Variants in NHSL1 observed in about 807,000 individuals in gnomAD.
NHSL1 encodes the protein NHS-like protein 1.
In NHSL1, 48 loss-of-function variants were observed where a neutral mutation model predicts 95.0. That is an observed-to-expected ratio of 0.51 (90% CI 0.40 to 0.64). The LOEUF (loss-of-function observed/expected upper bound fraction) is 0.64, where lower values mean the gene tolerates loss of function less well. Among genes scored for constraint, NHSL1 ranks in the 30% least tolerant of loss-of-function variants. The pLI is 0.00. For missense variants in NHSL1, 1,971 were observed against 2,077.7 expected (o/e 0.95, Z 1.00); for synonymous variants, 783 against 833.9 (o/e 0.94, Z 1.05).
intron 3 of NHSL1, among the ~76,000 whole-genome samples, chr6:138,448,733 A>G (rs1389717474): frequency 6.6e-6 from 1 of 152,212 alleles, no homozygotes; most frequent in African/African-American, 2.4e-5. Context: ...GAGGACACAG[A>G]TGAGAAATAT....
intron 1 of NHSL1, among the ~76,000 whole-genome samples, chr6:138,554,815 C>T (rs1439831435): frequency 6.6e-6 from 1 of 152,150 alleles, no homozygotes; most frequent in Non-Finnish European, 1.5e-5. Flanking sequence ...CAACTTTTGT[C>T]CCCCTTTAAC....
chr6:138,492,138 G>C (rs909724679), intron 2 of NHSL1, among the ~76,000 whole-genome samples: 6 of 152,198 alleles, frequency 3.9e-5, no homozygotes, highest in African/African-American at 1.4e-4. Flanking sequence ...GATCAGAGTA[G>C]AGCGAAATTA....
chr6:138,657,941 G>GA (rs1416432720), intron 1 of NHSL1, among the ~76,000 whole-genome samples: 1 of 147,408 alleles, frequency 6.8e-6, no homozygotes, highest in Non-Finnish European at 1.5e-5. Context: ...AATATTAAAA[G>GA]AAAAAACTGA....
At chr6:138,657,814 CAAAAA>C (rs1051789759) in intron 1 of NHSL1, among the ~76,000 whole-genome samples, 1 of 33,032 alleles carries the variant, frequency 3.0e-5, no homozygotes, top group African/African-American at 1.1e-4. Flanking sequence ...GACTCCATCT[CAAAAA>C]AAAAAAAAAA....
intron 1 of NHSL1, among the ~76,000 whole-genome samples, chr6:138,510,949 T>C (rs573348860): frequency 6.6e-6 from 1 of 152,278 alleles, no homozygotes; most frequent in Non-Finnish European, 1.5e-5. Context: ...CTTCTGGGTA[T>C]TCCCTGTTAT....
intron 1 of NHSL1, among the ~76,000 whole-genome samples, chr6:138,602,384 C>T (rs1243868788): frequency 2.0e-5 from 3 of 152,184 alleles, no homozygotes; most frequent in Non-Finnish European, 4.4e-5. Flanking sequence ...ACTCTGTCTT[C>T]AGGCTGGAGT....
chr6:138,429,394 T>C (rs1255775115), intron 7 of NHSL1, among the ~76,000 whole-genome samples: 1 of 152,220 alleles, frequency 6.6e-6, no homozygotes, highest in East Asian at 1.9e-4. Flanking sequence ...TGTCAGTCAC[T>C]TTAATCCGAC....
intron 3 of NHSL1, among the ~76,000 whole-genome samples, chr6:138,456,849 G>C (rs1006330369): frequency 6.6e-6 from 1 of 151,452 alleles, no homozygotes; most frequent in Non-Finnish European, 1.5e-5. Flanking sequence ...TTTCAGAGTT[G>C]AATGAAAAGG....
At chr6:138,449,573 A>G (rs1339782901) in intron 3 of NHSL1, among the ~76,000 whole-genome samples, 3 of 151,724 alleles carry the variant, frequency 2.0e-5, no homozygotes. Context: ...GCTACTCGGG[A>G]GGTTAAGGCA....
rs77951569 is a variant in NHSL1, at chr6:138,453,919, A to T, written c.340-6726T>A. On this transcript the variant is annotated intron_variant, in intron 3 of 7. Transcript: ENST00000343505. ...GATCTTAACTATCCCATATTAAGCGATCCTTTCCTCAAATGAAAGAAAATA... is the reference window on the plus strand; with the variant it reads ...GATCTTAACTATCCCATATTAAGCGTTCCTTTCCTCAAATGAAAGAAAATA... Among the ~76,000 whole-genome samples, 1,428 of 152,354 alleles carry T rather than the reference A, an allele frequency of 9.4e-3. 15 individuals are homozygous for T. The highest frequency in any genetic ancestry group is 0.024 in the Admixed American group (363 of 15,308).
intron 1 of NHSL1, among the ~76,000 whole-genome samples, chr6:138,669,226 T>G (rs1785333189): frequency 6.6e-6 from 1 of 152,074 alleles, no homozygotes. Context: ...ATGTCAAATC[T>G]AGACCCCTCT....
At chr6:138,561,796 C>A (rs900451654) in intron 1 of NHSL1, among the ~76,000 whole-genome samples, 1 of 152,148 alleles carries the variant, frequency 6.6e-6, no homozygotes, top group African/African-American at 2.4e-5. Context: ...AAATCCTCCC[C>A]CTACAACCAC....
chr6:138,475,103 C>T (rs1032052084), intron 2 of NHSL1, among the ~76,000 whole-genome samples: 9 of 150,378 alleles, frequency 6.0e-5, no homozygotes, highest in East Asian at 5.8e-4. Flanking sequence ...GAGCCGAGAT[C>T]GCACCACTAC....
intron 1 of NHSL1, among the ~76,000 whole-genome samples, chr6:138,563,128 C>G (rs1011254960): frequency 6.6e-6 from 1 of 152,176 alleles, no homozygotes; most frequent in Non-Finnish European, 1.5e-5. Flanking sequence ...GTTTTCAGTT[C>G]TCTCTAATGA....
intron 1 of NHSL1, among the ~76,000 whole-genome samples, chr6:138,631,325 T>G (rs1307303112): frequency 6.6e-6 from 1 of 152,164 alleles, no homozygotes; most frequent in Non-Finnish European, 1.5e-5. Context: ...CGTGCTGGAC[T>G]AGGCCCAGAG....
At chr6:138,546,616 AAAAC>A (rs1007593645), upstream of NHSL1, among the ~76,000 whole-genome samples, 2 of 152,102 alleles carry the variant, frequency 1.3e-5, no homozygotes, top group East Asian at 1.9e-4. Flanking sequence ...CTCAAAACAA[AAAAC>A]AAACAAACAG....
At chr6:138,501,179 C>T (rs1780654252), upstream of NHSL1, among the ~76,000 whole-genome samples, 1 of 152,182 alleles carries the variant, frequency 6.6e-6, no homozygotes, top group Admixed American at 6.5e-5. Context: ...TTATGCTCAA[C>T]CCTCCATAGC....
chr6:138,517,923 G>A (rs1781520491), intron 1 of NHSL1, among the ~76,000 whole-genome samples: 1 of 152,180 alleles, frequency 6.6e-6, no homozygotes, highest in South Asian at 2.1e-4. Context: ...AGTGGGTCAG[G>A]GTGGCACAGC....
At chr6:138,575,688 G>C (rs1025571300), upstream of NHSL1, among the ~76,000 whole-genome samples, 1 of 152,134 alleles carries the variant, frequency 6.6e-6, no homozygotes, top group Non-Finnish European at 1.5e-5. Context: ...CAGCTTTGTA[G>C]GTAATAATTA....
Sources: allele counts gnomAD v4.1 joint callset (sites outside exome capture counted in the v4.1 genomes callset), GRCh38; gene constraint gnomAD v4.1.1; transcripts MANE v1.5; gene names NCBI Gene and HGNC (gene_info 2026-07-23, HGNC 2026-07-21).